The following COMMD1 variants were observed in gnomAD, a reference collection of about 807,000 sequenced individuals.
COMMD1 encodes the protein copper metabolism domain containing 1.
A neutral mutation model predicts 17.2 loss-of-function variants in COMMD1; 10 were observed. That is an observed-to-expected ratio of 0.58 (90% CI 0.36 to 0.99). The LOEUF is 0.99. Ranked by LOEUF, COMMD1 falls within the 50% of genes least tolerant of loss-of-function variation. The pLI is 0.01. For missense variants in COMMD1, 270 were observed against 231.8 expected (o/e 1.17, Z -1.07); for synonymous variants, 97 against 91.6 (o/e 1.06, Z -0.34).
At chr2:61,929,596 A>T (rs778041801) in intron 1 of COMMD1, among the ~76,000 whole-genome samples, 1 of 152,318 alleles carries the variant, frequency 6.6e-6, no homozygotes. Flanking sequence ...CTGTTTCTTC[A>T]GGTCTACACT....
At chr2:62,031,655 A>T (rs991872342) in intron 2 of COMMD1, among the ~76,000 whole-genome samples, 1 of 152,220 alleles carries the variant, frequency 6.6e-6, no homozygotes, top group African/African-American at 2.4e-5. Flanking sequence ...TTTATGTTAA[A>T]GTAAATTTTG....
At chr2:61,978,746 A>C (rs963639838) in intron 1 of COMMD1, among the ~76,000 whole-genome samples, 5 of 152,160 alleles carry the variant, frequency 3.3e-5, no homozygotes, top group African/African-American at 1.2e-4. Context: ...ATGGTTCTTC[A>C]TAAGCTGTTT....
chr2:61,944,759 G>A (rs1159823615), intron 1 of COMMD1, among the ~76,000 whole-genome samples: 1 of 152,138 alleles, frequency 6.6e-6, no homozygotes, highest in African/African-American at 2.4e-5. Context: ...AAAGAAAACA[G>A]GACATCCCAA....
intron 2 of COMMD1, among the ~76,000 whole-genome samples, chr2:62,045,045 A>T (rs187381466): frequency 5.3e-5 from 8 of 152,252 alleles, no homozygotes; most frequent in Admixed American, 3.9e-4. Flanking sequence ...TTTAATTGAC[A>T]TGAGGCTGGC....
chr2:61,983,989 T>G (rs2103759996), intron 1 of COMMD1, among the ~76,000 whole-genome samples: 1 of 152,324 alleles, frequency 6.6e-6, no homozygotes, highest in South Asian at 2.1e-4. Context: ...TCTTCCTTAG[T>G]ACTGCTTTCA....
chr2:62,000,508 T>G (rs1275548856), intron 1 of COMMD1, among the ~76,000 whole-genome samples, 193 bp from the exon 2 acceptor site: 3 of 152,084 alleles, frequency 2.0e-5, no homozygotes, highest in African/African-American at 4.8e-5. Flanking sequence ...TTGGCCAGTT[T>G]GGTCTCTAAC....
intron 2 of COMMD1, among the ~76,000 whole-genome samples, chr2:62,063,661 T>G (rs965804712): frequency 3.3e-5 from 5 of 151,998 alleles, no homozygotes; most frequent in Non-Finnish European, 7.4e-5. Flanking sequence ...CCTGCATGTT[T>G]CTATAATGTT....
At chr2:62,111,330 G>A (rs1176792692) in intron 2 of COMMD1, among the ~76,000 whole-genome samples, 1 of 152,168 alleles carries the variant, frequency 6.6e-6, no homozygotes, top group Non-Finnish European at 1.5e-5. Flanking sequence ...AGTTTTATAT[G>A]ACAGGGAAGG....
chr2:61,968,933 T>C, intron 1 of COMMD1: 1 of 293,098 alleles, frequency 3.4e-6, no homozygotes, highest in Non-Finnish European at 7.1e-6. Context: ...TCAAGGGAAA[T>C]CTTTATTTAG....
At chr2:62,009,319 A>G (rs1052143096) in intron 2 of COMMD1, among the ~76,000 whole-genome samples, 1 of 152,126 alleles carries the variant, frequency 6.6e-6, no homozygotes, top group Non-Finnish European at 1.5e-5. Flanking sequence ...AAAAGAAAGA[A>G]TAAGACTGGG....
At chr2:61,954,196 GAGACTC>G (rs978664823) in intron 1 of COMMD1, among the ~76,000 whole-genome samples, 2 of 152,002 alleles carry the variant, frequency 1.3e-5, no homozygotes, top group Non-Finnish European at 2.9e-5. Flanking sequence ...GCGACAGAGT[GAGACTC>G]TGTCTCAAAA....
At chr2:62,074,593 T>C (rs917192146) in intron 2 of COMMD1, among the ~76,000 whole-genome samples, 11 of 152,200 alleles carry the variant, frequency 7.2e-5, no homozygotes, top group African/African-American at 2.4e-4. Flanking sequence ...GTATGCAGGG[T>C]TTCTGCTTTC....
Position 61,954,785 on chromosome 2 carries a change from A to G in COMMD1, c.181-45916A>G, listed in dbSNP as rs533382372. Among the ~76,000 whole-genome samples the G allele has an allele frequency of 3.0e-4, 45 of 152,094 alleles. No individual in the cohort carries two copies. In the South Asian group the frequency reaches 9.1e-3, roughly 31 times the overall value. On this transcript the variant is annotated intron_variant, in intron 1 of 2. Transcript: ENST00000311832. ...CAGCCTCCACCTTCCAGGTTAAAGC[A>G]ATTCTCCTACCTCAGCCTCCTAAGT...
At chr2:61,977,149 A>C (rs999209975) in intron 1 of COMMD1, among the ~76,000 whole-genome samples, 3 of 149,830 alleles carry the variant, frequency 2.0e-5, no homozygotes, top group African/African-American at 7.4e-5. Context: ...TGGTGGGGTA[A>C]GCTTTGTTTG....
intron 2 of COMMD1, among the ~76,000 whole-genome samples, chr2:62,010,888 T>G (rs376528847): frequency 7.9e-5 from 12 of 152,312 alleles, no homozygotes; most frequent in African/African-American, 2.9e-4. Flanking sequence ...AGAATGACTG[T>G]TAATGCATAA....
intron 1 of COMMD1, among the ~76,000 whole-genome samples, chr2:61,973,648 C>T (rs1376702061): frequency 6.6e-6 from 1 of 152,086 alleles, no homozygotes; most frequent in African/African-American, 2.4e-5. Flanking sequence ...GTATGCTTTG[C>T]ATGTCAGTAG....
intron 1 of COMMD1, among the ~76,000 whole-genome samples, chr2:61,985,478 T>G (rs1197169734): frequency 6.6e-6 from 1 of 152,190 alleles, no homozygotes; most frequent in African/African-American, 2.4e-5. Context: ...TCAATGTTAT[T>G]ATTGATAAGT....
chr2:62,039,220 C>CA (rs1192130273), intron 2 of COMMD1, among the ~76,000 whole-genome samples: 4 of 152,198 alleles, frequency 2.6e-5, no homozygotes, highest in African/African-American at 9.6e-5. Context: ...TTCTTTCCTT[C>CA]AAGCAGAGAA....
At chr2:61,906,914 T>C (rs1237278726) in intron 1 of COMMD1, among the ~76,000 whole-genome samples, 1 of 152,182 alleles carries the variant, frequency 6.6e-6, no homozygotes, top group Non-Finnish European at 1.5e-5. Context: ...AAAAGGCACT[T>C]CTGTATTTTT....
Sources: allele counts gnomAD v4.1 joint callset (sites outside exome capture counted in the v4.1 genomes callset), GRCh38; gene constraint gnomAD v4.1.1; transcripts MANE v1.5; gene names NCBI Gene and HGNC (gene_info 2026-07-23, HGNC 2026-07-21).